MTDH: variants seen among roughly 807,000 people sequenced by gnomAD.
MTDH encodes the protein protein LYRIC.
A neutral mutation model predicts 72.7 loss-of-function variants in MTDH; 34 were observed. The ratio of observed to expected loss-of-function variants is 0.47; its 90% CI spans 0.36 to 0.62. The LOEUF (loss-of-function observed/expected upper bound fraction) is 0.62, where lower values mean the gene tolerates loss of function less well. Among genes scored for constraint, MTDH ranks in the 20% least tolerant of loss-of-function variants. The probability of loss-of-function intolerance (pLI) is 0.00; values close to 1 mark genes in which losing one functional copy is unlikely to be tolerated. For synonymous variants in MTDH, 266 were observed against 268.9 expected, an observed-to-expected ratio of 0.99 and a Z score of 0.10; for missense variants, 677 against 699.4, an observed-to-expected ratio of 0.97 and a Z score of 0.36.
intron 1 of MTDH, among the ~76,000 whole-genome samples, chr8:97,647,254 T>C (rs1362249125): frequency 6.6e-6 from 1 of 152,164 alleles, no homozygotes; most frequent in Non-Finnish European, 1.5e-5. Flanking sequence ...TGGAAAAAGA[T>C]ATACTTAAGA....
chr8:97,647,080 G>A (rs976949413), intron 1 of MTDH, among the ~76,000 whole-genome samples: 12 of 152,102 alleles, frequency 7.9e-5, no homozygotes, highest in African/African-American at 2.9e-4. Flanking sequence ...CTGCCGTTTG[G>A]TACTCATTAG....
At chr8:97,695,819 G>A (rs1402053762) in intron 6 of MTDH, among the ~76,000 whole-genome samples, 1 of 152,210 alleles carries the variant, frequency 6.6e-6, no homozygotes, top group Non-Finnish European at 1.5e-5. Flanking sequence ...AGGATTTGTT[G>A]TAATGAAAGT....
chr8:97,674,346 CT>C (rs1291784338), intron 2 of MTDH, among the ~76,000 whole-genome samples: 2 of 152,224 alleles, frequency 1.3e-5, no homozygotes, highest in Non-Finnish European at 2.9e-5. Context: ...CAATTGCAGA[CT>C]TTTCTACTCT....
At chr8:97,653,154 CA>C (rs1204246710) in intron 1 of MTDH, among the ~76,000 whole-genome samples, 2 of 151,446 alleles carry the variant, frequency 1.3e-5, no homozygotes, top group Admixed American at 6.6e-5. Context: ...ATCATTTGCT[CA>C]AAAAAATCCA....
At chr8:97,723,384 C>T (rs1457197332) in intron 11 of MTDH, among the ~76,000 whole-genome samples, 14 of 149,518 alleles carry the variant, frequency 9.4e-5, no homozygotes, top group Non-Finnish European at 3.0e-5. Context: ...GGCAACAGAG[C>T]GAGACTCCGT....
intron 1 of MTDH, among the ~76,000 whole-genome samples, chr8:97,655,082 G>A (rs537908055): frequency 1.9e-4 from 29 of 152,188 alleles, no homozygotes; most frequent in African/African-American, 6.7e-4. Context: ...CTGGGCAACA[G>A]AGCCAGACCC....
chr8:97,660,339 CAGTAG>C (rs1812129357), intron 1 of MTDH, among the ~76,000 whole-genome samples: 1 of 152,084 alleles, frequency 6.6e-6, no homozygotes, highest in Non-Finnish European at 1.5e-5. Context: ...ACTCCCAGAA[CAGTAG>C]AGCCATGAAA....
At chr8:97,682,251 TATATATATATA>T in intron 2 of MTDH, among the ~76,000 whole-genome samples, 1 of 5,778 alleles carries the variant, frequency 1.7e-4, no homozygotes, top group East Asian at 5.6e-3. Flanking sequence ...TATATATATA[TATATATATATA>T]TATATATATA....
At chr8:97,709,990 C>T (rs988144848) in intron 8 of MTDH, among the ~76,000 whole-genome samples, 1 of 152,142 alleles carries the variant, frequency 6.6e-6, no homozygotes, top group Admixed American at 6.5e-5. Context: ...AAGTGATAAG[C>T]TGACTGAAGA....
At chr8:97,720,912 C>T (rs961639885) in intron 10 of MTDH, among the ~76,000 whole-genome samples, 1 of 151,748 alleles carries the variant, frequency 6.6e-6, no homozygotes, top group Middle Eastern at 3.2e-3. Flanking sequence ...CCTCAGCCTC[C>T]CAAAGTACTG....
chr8:97,674,846 TGTCACCTA>T (rs1424251632), intron 2 of MTDH, among the ~76,000 whole-genome samples: 1 of 152,074 alleles, frequency 6.6e-6, no homozygotes, highest in Non-Finnish European at 1.5e-5. Context: ...AGTCTTGCTC[TGTCACCTA>T]GGCTGAACTG....
intron 2 of MTDH, among the ~76,000 whole-genome samples, chr8:97,684,341 A>T (rs1412454922): frequency 6.6e-6 from 1 of 152,156 alleles, no homozygotes; most frequent in African/African-American, 2.4e-5. Flanking sequence ...AAATGTGTCT[A>T]CTAGAAATTT....
intron 9 of MTDH, among the ~76,000 whole-genome samples, chr8:97,714,865 G>A (rs1470230719): frequency 6.6e-6 from 1 of 150,992 alleles, no homozygotes; most frequent in Non-Finnish European, 1.5e-5. Context: ...TTGTTCTGTT[G>A]CCCAGGCTGG....
chr8:97,667,000 T>C (rs1179303319), intron 2 of MTDH, among the ~76,000 whole-genome samples: 1 of 151,832 alleles, frequency 6.6e-6, no homozygotes, highest in Non-Finnish European at 1.5e-5. Context: ...CCCTGCCATT[T>C]TGTTTTGTTT....
intron 4 of MTDH, among the ~76,000 whole-genome samples, chr8:97,687,824 A>G (rs962174763): frequency 6.6e-6 from 1 of 152,104 alleles, no homozygotes; most frequent in African/African-American, 2.4e-5. Context: ...ATTAAATTAA[A>G]ATTTGCCTTT....
chr8:97,665,737 TTGAC>T (rs1812355914), intron 2 of MTDH, among the ~76,000 whole-genome samples: 1 of 152,186 alleles, frequency 6.6e-6, no homozygotes, highest in African/African-American at 2.4e-5. Flanking sequence ...TTAGACAAGT[TTGAC>T]TGGTCAAGAT....
At chr8:97,651,694 A>G (rs887129091) in intron 1 of MTDH, among the ~76,000 whole-genome samples, 6 of 152,218 alleles carry the variant, frequency 3.9e-5, no homozygotes, top group African/African-American at 1.4e-4. Flanking sequence ...GAACAACTGT[A>G]TATTAGTCCC....
At chr8:97,645,060 TG>T (rs1339394529) in intron 1 of MTDH, among the ~76,000 whole-genome samples, 173 bp downstream of exon 1, 1 of 151,656 alleles carries the variant, frequency 6.6e-6, no homozygotes, top group African/African-American at 2.4e-5. Flanking sequence ...ATTTGGGGAA[TG>T]GGGGGAACTC....
intron 1 of MTDH, among the ~76,000 whole-genome samples, chr8:97,655,310 A>T (rs1292713556): frequency 1.3e-5 from 2 of 152,274 alleles, no homozygotes; most frequent in African/African-American, 4.8e-5. Flanking sequence ...ATTGAGCCTT[A>T]TCTTTGTTTC....
Sources: gnomAD v4.1 joint callset for allele counts (sites outside exome capture counted in the v4.1 genomes callset) on GRCh38, gnomAD v4.1.1 for gene constraint, MANE v1.5 for transcripts, NCBI Gene and HGNC (gene_info 2026-07-23, HGNC 2026-07-21) for gene names.